SPTB: variants seen among roughly 807,000 people sequenced by gnomAD.
SPTB encodes the protein spectrin beta chain, erythrocytic.
In SPTB, 45 loss-of-function variants were observed where a neutral mutation model predicts 256.2. That is an observed-to-expected ratio of 0.18 (90% CI 0.14 to 0.23). The LOEUF is 0.23. SPTB is among the 10% of genes least tolerant of loss of function. The probability of loss-of-function intolerance (pLI) is 1.00; values close to 1 mark genes in which losing one functional copy is unlikely to be tolerated. For synonymous variants in SPTB, 1,231 were observed against 1,243.1 expected (o/e 0.99, Z 0.21); for missense variants, 2,715 against 3,040.4 (o/e 0.89, Z 2.52).
chr14:64,859,523 T>C (rs750773353), intron 1 of SPTB, among the ~76,000 whole-genome samples: 14 of 152,172 alleles, frequency 9.2e-5, no homozygotes, highest in Non-Finnish European at 1.8e-4. Flanking sequence ...GGCAGGCAGA[T>C]TGCTTGAGCT....
chr14:64,779,066 C>A lies in SPTB; in HGVS notation c.4563+91G>T. 1 of 953,418 alleles carries A rather than the reference C, an allele frequency of 1.0e-6. No individual in the cohort carries two copies. The highest frequency in any genetic ancestry group is 1.7e-6 in the Non-Finnish European group (1 of 603,208). The allele number at this position is 953,418 out of a possible 1,614,324, so 59.1% of individuals were successfully genotyped here. A position where few individuals can be genotyped will look rare whatever the true frequency, so the allele number is the denominator to read the frequency against. On this transcript the variant is annotated intron_variant, in intron 22 of 35. Transcript: ENST00000644917. This position sits in a 1 kb window ranked among gnomAD's most constrained non-coding sequence, Gnocchi z 4.2. ...AAGAACAATAATCTGCTGTTGCTAGCCTTCTGCAGGTCAGGGCTGGGCCTA... is the reference window on the plus strand; with the variant it reads ...AAGAACAATAATCTGCTGTTGCTAGACTTCTGCAGGTCAGGGCTGGGCCTA...
intron 2 of SPTB, among the ~76,000 whole-genome samples, chr14:64,811,676 T>G (rs2083093521): frequency 6.6e-6 from 1 of 152,216 alleles, no homozygotes; most frequent in Admixed American, 6.5e-5. Flanking sequence ...TTGTTAAATT[T>G]AGGTGATAAT....
intron 1 of SPTB, among the ~76,000 whole-genome samples, chr14:64,861,270 T>C (rs2083965188): frequency 6.6e-6 from 1 of 152,128 alleles, no homozygotes; most frequent in Non-Finnish European, 1.5e-5. Context: ...GGCACATGTA[T>C]ACCTATGTAA....
chr14:64,767,620 A>C (rs1307820772), intron 30 of SPTB, 43 bp downstream of exon 30: 1 of 1,610,388 alleles, frequency 6.2e-7, no homozygotes, highest in African/African-American at 1.3e-5. Context: ...CTGGGGGCAC[A>C]GTTGCCACCC....
In SPTB at chr14:64,807,016, A is replaced by G. The variant is rs2082996865; in HGVS notation, c.149-1926T>C. ...CTGATTTCAAATGCTGCTTCAGCGAAATGTAACTAAAGGGAGTTTGATGCC... is the reference window on the plus strand; with the variant it reads ...CTGATTTCAAATGCTGCTTCAGCGAGATGTAACTAAAGGGAGTTTGATGCC... On this transcript the variant is annotated intron_variant, in intron 2 of 35. Transcript: ENST00000644917. This position sits in a 1 kb window ranked among gnomAD's most constrained non-coding sequence, Gnocchi z 4.7. Among the ~76,000 whole-genome samples, 1 of 152,198 alleles carries G rather than the reference A, an allele frequency of 6.6e-6. No individual in the cohort carries two copies. The highest frequency in any genetic ancestry group is 1.5e-5 in the Non-Finnish European group (1 of 68,036).
intron 1 of SPTB, among the ~76,000 whole-genome samples, chr14:64,834,107 A>C (rs1594826678): frequency 6.6e-6 from 1 of 151,768 alleles, no homozygotes; most frequent in Non-Finnish European, 1.5e-5. Context: ...GCTCACTGCA[A>C]CCTCCGCCTT....
Position 64,826,683 on chromosome 14 carries a change from A to G in SPTB, c.-51-3538T>C, listed in dbSNP as rs1196038568. Among the ~76,000 whole-genome samples the G allele has an allele frequency of 6.6e-6, 1 of 151,988 alleles. No individual in the cohort carries two copies. Among genetic ancestry groups the G allele is most frequent in the Non-Finnish European group, 1.5e-5 (1 of 67,984 alleles). On this transcript the variant is annotated intron_variant, in intron 1 of 35. Transcript: ENST00000644917. The surrounding 1 kb of genome is among the most constrained non-coding windows in gnomAD (Gnocchi z 4.4). ...AAGTCCCCCAAAATTCCTTCTCTGAACCCACCTGACCCTCGTCAAAGTGTA... is the reference window on the plus strand; with the variant it reads ...AAGTCCCCCAAAATTCCTTCTCTGAGCCCACCTGACCCTCGTCAAAGTGTA...
At chr14:64,784,475 G>A in intron 18 of SPTB, 82 bp from the exon 19 acceptor site, 1 of 1,565,296 alleles carries the variant, frequency 6.4e-7, no homozygotes, top group Non-Finnish European at 8.7e-7. Flanking sequence ...CCTGGCTGCA[G>A]AAGGAGAAGG....
chr14:64,822,180 T>G (rs532322281), intron 2 of SPTB, among the ~76,000 whole-genome samples: 1 of 150,024 alleles, frequency 6.7e-6, no homozygotes, highest in South Asian at 2.1e-4. Context: ...ACTCAAACTT[T>G]CTTATTGGCC....
Position 64,793,443 on chromosome 14 carries a change from C to A in SPTB, c.2220G>T (p.Gln740His). The A allele has an allele frequency of 6.2e-7, 1 of 1,614,056 alleles. No homozygotes were observed. The highest frequency in any genetic ancestry group is 1.3e-5 in the African/African-American group (1 of 75,064). The change falls in exon 14 of 36, where the codon CAG becomes CAT. Residue 740 changes from glutamine to histidine, a missense_variant. Gln to His is a conservative substitution (Grantham distance 24). Transcript: ENST00000644917. The surrounding 1 kb of genome is among the most constrained non-coding windows in gnomAD (Gnocchi z 7.0). ...DLAAFCKKNLQDAENFFQFQG... is the reference protein window; with the variant it reads ...DLAAFCKKNLHDAENFFQFQG... ...GGAACTGGAAAAAGTTCTCAGCATC[C>A]TGGAGGTTCTTCTTGCAGAAGGCAG...
rs1334084989 is a variant in SPTB, at chr14:64,853,088, T to C, written c.-52+26704A>G. Among the ~76,000 whole-genome samples the C allele has an allele frequency of 1.3e-5, 2 of 151,518 alleles. No individual in the cohort carries two copies. The highest frequency in any genetic ancestry group is 1.3e-4 in the Admixed American group (2 of 15,248). Reference sequence around the variant, plus strand: ...AATAAGAGACAGGCAATGGGACAAATAAGAGACAGGCAAAGAATGGGGAAA... The same window carrying C: ...AATAAGAGACAGGCAATGGGACAAACAAGAGACAGGCAAAGAATGGGGAAA... On this transcript the variant is annotated intron_variant, in intron 1 of 35. Coordinates refer to ENST00000644917, the MANE Select transcript of SPTB (RefSeq NM_001355436.2). This position sits in a 1 kb window ranked among gnomAD's most constrained non-coding sequence, Gnocchi z 4.3.
intron 29 of SPTB, among the ~76,000 whole-genome samples, chr14:64,768,675 G>A (rs1205200377): frequency 3.7e-5 from 5 of 136,612 alleles, no homozygotes; most frequent in South Asian, 2.6e-4. Flanking sequence ...CTCCTCCCCC[G>A]GACCCTCAAC....
At position 64,769,041 on chromosome 14, in the gene SPTB, G is replaced by C; in HGVS notation, c.6015C>G (p.Leu2005=). Residue 2005 remains leucine, a synonymous_variant, in exon 29 of 36, where the codon CTC becomes CTG. Coordinates refer to ENST00000644917, the MANE Select transcript of SPTB (RefSeq NM_001355436.2). ...NEKWEARWER[L]RMLLEVCQFS... ...CTCCAGGGCTGTACTCACACATGCG[G>C]AGCCGCTCCCAGCGGGCTTCCCACT... 6.2e-7 allele frequency: 1 copy of C among 1,613,058 alleles called. No individual in the cohort carries two copies. Among genetic ancestry groups the C allele is most frequent in the Non-Finnish European group, 8.5e-7 (1 of 1,179,926 alleles).
chr14:64,837,686 C>G (rs1463026297), intron 1 of SPTB, among the ~76,000 whole-genome samples: 1 of 152,212 alleles, frequency 6.6e-6, no homozygotes, highest in East Asian at 1.9e-4. Context: ...ACTGCAACCT[C>G]TGCCTCCCAG....
At position 64,795,264 on chromosome 14, in the gene SPTB, A is replaced by G; in HGVS notation, c.1644+73T>C. 1.3e-6 allele frequency: 2 copies of G among 1,557,980 alleles called. No individual in the cohort carries two copies. ...GGCTGGGAGGTGTCTAAGGAAGCCTATGCTAACTGCAGGGCCACTGAGACC... is the reference window on the plus strand; with the variant it reads ...GGCTGGGAGGTGTCTAAGGAAGCCTGTGCTAACTGCAGGGCCACTGAGACC... On this transcript the variant is annotated intron_variant, in intron 12 of 35. Coordinates refer to ENST00000644917, the MANE Select transcript of SPTB (RefSeq NM_001355436.2). This position sits in a 1 kb window ranked among gnomAD's most constrained non-coding sequence, Gnocchi z 6.5.
rs1439845402 is a variant in SPTB, at chr14:64,813,130, CTTTT to C, written c.149-8044_149-8041del. Among the ~76,000 whole-genome samples the C allele has an allele frequency of 2.0e-5, 3 of 152,208 alleles. No individual in the cohort carries two copies. In the East Asian group the frequency reaches 5.8e-4, roughly 29 times the overall value. ...GTAAGATTGTGGGTAATTTTTTCTTCTTTTTTGCTTTTCTCTGTTTTCTAAAATA... is the reference window on the plus strand; with the variant it reads ...GTAAGATTGTGGGTAATTTTTTCTTCTTGCTTTTCTCTGTTTTCTAAAATA... On this transcript the variant is annotated intron_variant, in intron 2 of 35. Coordinates refer to ENST00000644917, the MANE Select transcript of SPTB (RefSeq NM_001355436.2).
intron 1 of SPTB, among the ~76,000 whole-genome samples, chr14:64,869,202 T>A (rs1466143933): frequency 6.6e-6 from 1 of 152,184 alleles, no homozygotes; most frequent in Non-Finnish European, 1.5e-5. Flanking sequence ...CCAAGTCTGA[T>A]TGTAAATAAT....
rs1185248511 is a variant in SPTB at position 64,853,983 on chromosome 14, G to C, written c.-52+25809C>G. 1.3e-5 allele frequency among the ~76,000 whole-genome samples: 2 copies of C among 152,126 alleles called. No individual in the cohort carries two copies. Among genetic ancestry groups the C allele is most frequent in the Admixed American group, 6.5e-5 (1 of 15,278 alleles). On this transcript the variant is annotated intron_variant, in intron 1 of 35. Transcript: ENST00000644917. The surrounding 1 kb of genome is among the most constrained non-coding windows in gnomAD (Gnocchi z 4.3). ...GAGGCAGGTAGATCACCTGAGGTCA[G>C]GAGTTCAAGAACAGCCTGGCCAAAA...
rs2139562437 is a variant in SPTB, at chr14:64,785,860, T to C, written c.3653A>G (p.Glu1218Gly). 1 of 1,614,070 alleles carries C rather than the reference T, an allele frequency of 6.2e-7. No homozygotes were observed. The highest frequency in any genetic ancestry group is 2.2e-5 in the East Asian group (1 of 44,870). The change falls in exon 17 of 36, where the codon GAG (glutamate) becomes GGG (glycine). Residue 1218 changes from glutamate (E) to glycine (G), a missense_variant. Glu to Gly is a moderately conservative substitution (Grantham distance 98, BLOSUM62 -2). Transcript: ENST00000644917. The surrounding 1 kb of genome is among the most constrained non-coding windows in gnomAD (Gnocchi z 4.4). ...RKFEDFLGSM[E>G]NNRDKVLSPV... is the part of the protein sequence containing the mutation. Reference sequence around the variant, plus strand: ...ACTCAAGACCTTATCCCGGTTGTTCTCCATAGACCCCAAGAAATCCTCAAA... The same window carrying C: ...ACTCAAGACCTTATCCCGGTTGTTCCCCATAGACCCCAAGAAATCCTCAAA...
Sources: allele counts gnomAD v4.1 joint callset (sites outside exome capture counted in the v4.1 genomes callset), GRCh38; gene constraint gnomAD v4.1.1; non-coding constraint Gnocchi (gnomAD v3.1); transcripts MANE v1.5; gene names NCBI Gene and HGNC (gene_info 2026-07-23, HGNC 2026-07-21).